Variants in KIRREL3 observed in about 807,000 individuals in gnomAD.
The protein encoded by KIRREL3 is kirre like nephrin family adhesion molecule 3, also known as kin of IRRE-like protein 3.
In KIRREL3, 36 loss-of-function variants were observed where a neutral mutation model predicts 89.7. The observed-to-expected ratio is 0.40, with a 90% CI of 0.31 to 0.53. KIRREL3 has a LOEUF of 0.53. Ranked by LOEUF, KIRREL3 falls within the 20% of genes least tolerant of loss-of-function variation. KIRREL3 has a pLI of 0.49. For missense variants in KIRREL3, 864 were observed against 1,056.6 expected, an observed-to-expected ratio of 0.82 and a Z score of 2.53; for synonymous variants, 445 against 441.4, an observed-to-expected ratio of 1.01 and a Z score of -0.10.
At position 126,455,446 on chromosome 11, in the gene KIRREL3, C is replaced by T. The variant is rs772931621; in HGVS notation, c.848+903G>A. 3.3e-4 allele frequency among the ~76,000 whole-genome samples: 50 copies of T among 152,304 alleles called. No homozygotes were observed. The highest frequency in any genetic ancestry group is 7.8e-4 in the Admixed American group (12 of 15,296). On this transcript the variant is annotated intron_variant, in intron 7 of 16. Transcript: ENST00000525144. This position sits in a 1 kb window ranked among gnomAD's most constrained non-coding sequence, Gnocchi z 6.4. ...AGCCATCAGTGACTAAATTGCAGTTCCTGCCTTCAAGAAGCTCTGTCACAA... is the reference window on the plus strand; with the variant it reads ...AGCCATCAGTGACTAAATTGCAGTTTCTGCCTTCAAGAAGCTCTGTCACAA...
intron 1 of KIRREL3, among the ~76,000 whole-genome samples, chr11:126,893,245 C>T (rs544445292): frequency 5.3e-5 from 8 of 152,150 alleles, no homozygotes; most frequent in Non-Finnish European, 7.4e-5. Flanking sequence ...GGGGTTATGT[C>T]TGATGCCCCG....
chr11:126,855,384 T>C (rs1944473842), intron 1 of KIRREL3, among the ~76,000 whole-genome samples: 1 of 152,166 alleles, frequency 6.6e-6, no homozygotes, highest in Non-Finnish European at 1.5e-5. Context: ...CGTGCCTACT[T>C]TCCCTTTGCC....
intron 5 of KIRREL3, among the ~76,000 whole-genome samples, chr11:126,464,553 GA>G (rs1956658353): frequency 6.6e-6 from 1 of 151,030 alleles, no homozygotes; most frequent in South Asian, 2.1e-4. Context: ...AAAAGAAAAA[GA>G]AAAAGAAGAA....
chr11:126,767,622 G>A (rs995384430), intron 1 of KIRREL3, among the ~76,000 whole-genome samples: 5 of 152,158 alleles, frequency 3.3e-5, no homozygotes, highest in African/African-American at 1.2e-4. Flanking sequence ...CAGGGTTCAG[G>A]TCATTGTAGT....
At chr11:126,518,683 G>A (rs1958493504) in intron 4 of KIRREL3, among the ~76,000 whole-genome samples, 1 of 152,232 alleles carries the variant, frequency 6.6e-6, no homozygotes, top group Non-Finnish European at 1.5e-5. Flanking sequence ...GGGCCAAGGA[G>A]CAGAAATACC....
At chr11:126,765,974 C>T (rs1949811759) in intron 1 of KIRREL3, among the ~76,000 whole-genome samples, 1 of 152,100 alleles carries the variant, frequency 6.6e-6, no homozygotes, top group Non-Finnish European at 1.5e-5. Flanking sequence ...TTACAGAATC[C>T]ATCATCAGCT....
In KIRREL3 at chr11:126,427,729, G is replaced by A. The variant is rs1954994687; in HGVS notation, c.1806+1450C>T. On this transcript the variant is annotated intron_variant, in intron 15 of 16. Transcript: ENST00000525144. This position sits in a 1 kb window ranked among gnomAD's most constrained non-coding sequence, Gnocchi z 5.3. ...GGGGAGCCACCGAGGGATTTTAAGT[G>A]GGCAAGTAACAGGACCAGATTTGCA... Among the ~76,000 whole-genome samples, 1 of 152,188 alleles carries A rather than the reference G, an allele frequency of 6.6e-6. No individual in the cohort carries two copies.
intron 1 of KIRREL3, among the ~76,000 whole-genome samples, chr11:126,732,521 A>C (rs1338530454): frequency 6.6e-6 from 1 of 152,228 alleles, no homozygotes; most frequent in Non-Finnish European, 1.5e-5. Flanking sequence ...GTTAGGACTA[A>C]ACAGCTCATA....
At chr11:126,716,957 G>A (rs369061080) in intron 1 of KIRREL3, among the ~76,000 whole-genome samples, 10 of 152,088 alleles carry the variant, frequency 6.6e-5, no homozygotes, top group East Asian at 5.8e-4. Flanking sequence ...AGAGCTCAGC[G>A]CATCCAAGAT....
chr11:126,612,371 G>A lies in KIRREL3; in HGVS notation c.56-49459C>T, dbSNP rs376469920. ...TCCCTCAGTATTTGAATAAATAAAT[G>A]TGGTGTCAATTTGGATTAATTTTCT... On this transcript the variant is annotated intron_variant, in intron 1 of 16. Transcript: ENST00000525144. The surrounding 1 kb of genome is among the most constrained non-coding windows in gnomAD (Gnocchi z 4.5). Among the ~76,000 whole-genome samples, 1 of 152,176 alleles carries A rather than the reference G, an allele frequency of 6.6e-6. No individual in the cohort carries two copies. Among genetic ancestry groups the A allele is most frequent in the African/African-American group, 2.4e-5 (1 of 41,434 alleles).
At chr11:126,789,933 C>T (rs950082569) in intron 1 of KIRREL3, among the ~76,000 whole-genome samples, 2 of 152,154 alleles carry the variant, frequency 1.3e-5, no homozygotes, top group Non-Finnish European at 2.9e-5. Context: ...ACCTTCAGCC[C>T]AAACCTTTAC....
intron 1 of KIRREL3, among the ~76,000 whole-genome samples, chr11:126,982,796 C>A (rs532022574): frequency 7.9e-5 from 12 of 152,346 alleles, no homozygotes; most frequent in African/African-American, 2.4e-4. Flanking sequence ...TCCATTCATC[C>A]TTTCTTTCAC....
At position 126,993,603 on chromosome 11, in the gene KIRREL3, A is replaced by G. The variant is rs1217829304; in HGVS notation, c.55+6852T>C. ...AAGTGTCTGCTCCCCAACCAGACTA[A>G]GAGCTCTGGGGCAGAAACATGGTCT... On this transcript the variant is annotated intron_variant, in intron 1 of 16. Coordinates refer to ENST00000525144, the MANE Select transcript of KIRREL3 (RefSeq NM_032531.4). The surrounding 1 kb of genome is among the most constrained non-coding windows in gnomAD (Gnocchi z 6.1). Among the ~76,000 whole-genome samples, 2 of 152,236 alleles carry G rather than the reference A, an allele frequency of 1.3e-5. No individual in the cohort carries two copies. Among genetic ancestry groups the G allele is most frequent in the Non-Finnish European group, 2.9e-5 (2 of 68,044 alleles).
chr11:126,451,447 A>T (rs1241774426), intron 7 of KIRREL3, among the ~76,000 whole-genome samples: 4 of 66,418 alleles, frequency 6.0e-5, no homozygotes, highest in African/African-American at 2.0e-4. Flanking sequence ...TGTGTGTCCA[A>T]GTGCATGCGC....
chr11:126,460,060 T>C (rs937021479), intron 6 of KIRREL3, among the ~76,000 whole-genome samples: 11 of 151,772 alleles, frequency 7.2e-5, no homozygotes, highest in Non-Finnish European at 1.2e-4. Context: ...TAGTAAACAG[T>C]TGGATGCTGA....
intron 1 of KIRREL3, among the ~76,000 whole-genome samples, chr11:126,638,803 G>A (rs2134918209): frequency 1.3e-5 from 2 of 152,276 alleles, no homozygotes; most frequent in East Asian, 1.9e-4. Context: ...GAATCGCTAT[G>A]TGAAAGGACT....
At chr11:126,482,100 A>G (rs975903151) in intron 4 of KIRREL3, among the ~76,000 whole-genome samples, 13 of 152,062 alleles carry the variant, frequency 8.5e-5, no homozygotes, top group African/African-American at 2.4e-4. Flanking sequence ...GTGCAATGGC[A>G]TGATCTCGGC....
intron 1 of KIRREL3, among the ~76,000 whole-genome samples, chr11:126,939,903 G>A (rs934436005): frequency 9.9e-5 from 15 of 152,100 alleles, no homozygotes; most frequent in African/African-American, 3.6e-4. Context: ...TGAGCCACAG[G>A]TTCATACAGG....
chr11:126,678,468 C>G (rs1946296911), intron 1 of KIRREL3, among the ~76,000 whole-genome samples: 1 of 151,918 alleles, frequency 6.6e-6, no homozygotes, highest in Non-Finnish European at 1.5e-5. Flanking sequence ...GGCATGGTGG[C>G]AGGCGCCTGT....
Sources: gnomAD v4.1 joint callset for allele counts (sites outside exome capture counted in the v4.1 genomes callset) on GRCh38, gnomAD v4.1.1 for gene constraint, Gnocchi (gnomAD v3.1) non-coding constraint, MANE v1.5 for transcripts, NCBI Gene and HGNC (gene_info 2026-07-23, HGNC 2026-07-21) for gene names.